Variants in TRAF3 observed in about 807,000 individuals in gnomAD.
The protein encoded by TRAF3 is TNF receptor-associated factor 3.
Under a neutral mutation model 62.3 loss-of-function variants are expected in TRAF3, and 13 were observed. The observed-to-expected ratio is 0.21, with a 90% CI of 0.14 to 0.33. The LOEUF is 0.33. TRAF3 is among the 10% of genes least tolerant of loss of function. The probability of loss-of-function intolerance (pLI) is 1.00; values close to 1 mark genes in which losing one functional copy is unlikely to be tolerated. For missense variants in TRAF3, 440 were observed against 741.8 expected (o/e 0.59, Z 4.73); for synonymous variants, 269 against 283.4 (o/e 0.95, Z 0.51).
At position 102,886,285 on chromosome 14, in the gene TRAF3, C is replaced by A; in HGVS notation, c.651+16C>A. On this transcript the variant is annotated intron_variant, in intron 7 of 11. Transcript: ENST00000392745. ...GAGGAGCGAGGTAGGGGCGGCCGGG[C>A]CCGGCCGGGAGTCTGTGGAGTCCTC... 1 of 1,601,040 alleles carries A rather than the reference C, an allele frequency of 6.2e-7. No homozygotes were observed. The highest frequency in any genetic ancestry group is 1.7e-5 in the Admixed American group (1 of 59,178).
intron 1 of TRAF3, among the ~76,000 whole-genome samples, chr14:102,806,905 C>T (rs1335976668): frequency 6.6e-6 from 1 of 152,166 alleles, no homozygotes; most frequent in African/African-American, 2.4e-5. Context: ...TGACACCTAA[C>T]CTGTCTCTAG....
chr14:102,778,919 A>G (rs1190240163), intron 1 of TRAF3, among the ~76,000 whole-genome samples: 1 of 152,250 alleles, frequency 6.6e-6, no homozygotes, highest in African/African-American at 2.4e-5. Context: ...GATGTCTGGC[A>G]AAATAGTGTA....
At chr14:102,788,470 T>C (rs184659110) in intron 1 of TRAF3, among the ~76,000 whole-genome samples, 1 of 152,126 alleles carries the variant, frequency 6.6e-6, no homozygotes, top group East Asian at 1.9e-4. Flanking sequence ...GAGACCAGCC[T>C]GGGCAACAGA....
intron 1 of TRAF3, among the ~76,000 whole-genome samples, chr14:102,828,995 C>G (rs1054556178): frequency 1.3e-5 from 2 of 152,146 alleles, no homozygotes; most frequent in African/African-American, 4.8e-5. Context: ...CTTATTTTGC[C>G]TTTAGAAGAG....
chr14:102,843,045 TA>T (rs888586912), intron 2 of TRAF3, among the ~76,000 whole-genome samples: 1 of 151,170 alleles, frequency 6.6e-6, no homozygotes, highest in East Asian at 2.0e-4. Flanking sequence ...TCGTCTCTAC[TA>T]AAAAAAATTA....
intron 2 of TRAF3, among the ~76,000 whole-genome samples, chr14:102,845,347 C>T (rs778635328): frequency 5.3e-5 from 8 of 151,116 alleles, no homozygotes; most frequent in Non-Finnish European, 7.4e-5. Context: ...GGATTACAGG[C>T]GCACGCCACT....
rs1890722278 is a variant in TRAF3 at position 102,908,888 on chromosome 14, G to A, written c.*3104G>A. 6.6e-6 allele frequency: 1 copy of A among 152,318 alleles called. No individual in the cohort carries two copies. The highest frequency in any genetic ancestry group is 2.4e-5 in the African/African-American group (1 of 41,476). The allele number at this position is 152,318 out of a possible 1,614,324, so 9.4% of individuals were successfully genotyped here. ...TGGCTGGCCTGGGCCCGGCTCACGT[G>A]AAGGGCACTGGCTCTTGTGACCACA... is the stretch of plus-strand genomic sequence containing the variant. On this transcript the variant is annotated 3_prime_UTR_variant, in exon 12 of 12. Transcript: ENST00000392745.
In TRAF3 at chr14:102,826,224, G is replaced by T. The variant is rs1390030027; in HGVS notation, c.-156-4110G>T. Among the ~76,000 whole-genome samples the T allele has an allele frequency of 6.6e-6, 1 of 152,044 alleles. No individual in the cohort carries two copies. Among genetic ancestry groups the T allele is most frequent in the Non-Finnish European group, 1.5e-5 (1 of 68,010 alleles). On this transcript the variant is annotated intron_variant, in intron 1 of 11. Coordinates refer to ENST00000392745, the MANE Select transcript of TRAF3 (RefSeq NM_145725.3). This position sits in a 1 kb window ranked among gnomAD's most constrained non-coding sequence, Gnocchi z 4.6. Reference sequence around the variant, plus strand: ...CCTGGGTGTAAATCCTGGCTCTTCTGCTTGAACTGACTGTGCCTCAGCATC... The same window carrying T: ...CCTGGGTGTAAATCCTGGCTCTTCTTCTTGAACTGACTGTGCCTCAGCATC...
intron 11 of TRAF3, 141 bp from the exon 12 acceptor site, chr14:102,905,072 A>T: frequency 1.2e-6 from 1 of 848,876 alleles, no homozygotes; most frequent in Non-Finnish European, 1.9e-6. Flanking sequence ...AGATGGTGCC[A>T]CTGCACTCCA....
intron 6 of TRAF3, among the ~76,000 whole-genome samples, chr14:102,882,135 G>A (rs1889105870): frequency 6.6e-6 from 1 of 152,168 alleles, no homozygotes. Flanking sequence ...TAGCTTAGCC[G>A]GAGTGTCAAG....
chr14:102,811,451 G>GT, intron 1 of TRAF3, among the ~76,000 whole-genome samples: 1 of 151,278 alleles, frequency 6.6e-6, no homozygotes, highest in East Asian at 2.0e-4. Context: ...AGCCTCCTGA[G>GT]TAGCTGGGAC....
intron 2 of TRAF3, 69 bp from the exon 3 acceptor site, chr14:102,870,116 T>C (rs984029858): frequency 4.3e-5 from 69 of 1,610,070 alleles, no homozygotes; most frequent in Non-Finnish European, 5.5e-5. Context: ...GCACTTTTGC[T>C]TTCCCAAAGC....
intron 10 of TRAF3, among the ~76,000 whole-genome samples, chr14:102,901,791 A>C (rs1468855437): frequency 6.6e-6 from 1 of 152,258 alleles, no homozygotes; most frequent in Non-Finnish European, 1.5e-5. Flanking sequence ...GGTTAATAAC[A>C]GCCAGCAAAG....
At position 102,907,412 on chromosome 14, in the gene TRAF3, A is replaced by G. The variant is rs1890636402; in HGVS notation, c.*1628A>G. On this transcript the variant is annotated 3_prime_UTR_variant, in exon 12 of 12. Transcript: ENST00000392745. Reference sequence around the variant, plus strand: ...ACTGTTTACTGTCTCTCAGTGTCCAACTGTGATTAGAAGCCTGGAGCCTGC... The same window carrying G: ...ACTGTTTACTGTCTCTCAGTGTCCAGCTGTGATTAGAAGCCTGGAGCCTGC... The G allele has an allele frequency of 6.6e-6, 1 of 152,416 alleles. No homozygotes were observed. The allele number at this position is 152,416 out of a possible 1,614,324, so 9.4% of individuals were successfully genotyped here. A position where few individuals can be genotyped will look rare whatever the true frequency, so the allele number is the denominator to read the frequency against.
At chr14:102,793,733 C>T (rs1205251609) in intron 1 of TRAF3, among the ~76,000 whole-genome samples, 1 of 152,196 alleles carries the variant, frequency 6.6e-6, no homozygotes, top group Non-Finnish European at 1.5e-5. Flanking sequence ...GAACTCTATT[C>T]CTGATGCCAG....
chr14:102,803,271 T>C (rs1898554675), intron 1 of TRAF3, among the ~76,000 whole-genome samples: 1 of 152,082 alleles, frequency 6.6e-6, no homozygotes, highest in Non-Finnish European at 1.5e-5. Context: ...AGAGTTACAG[T>C]CTTGGAATGT....
chr14:102,835,429 A>G (rs1388664403), intron 2 of TRAF3, among the ~76,000 whole-genome samples: 1 of 152,222 alleles, frequency 6.6e-6, no homozygotes, highest in Non-Finnish European at 1.5e-5. Flanking sequence ...AAATTGTTCT[A>G]CCATAAAGAT....
chr14:102,815,094 C>A (rs1467284298), intron 1 of TRAF3, among the ~76,000 whole-genome samples: 3 of 152,004 alleles, frequency 2.0e-5, no homozygotes, highest in African/African-American at 7.2e-5. Context: ...ACCATTATGC[C>A]TGGTTAATTT....
At position 102,830,387 on chromosome 14, in the gene TRAF3, A is replaced by G. The variant is rs537033215; in HGVS notation, c.-103A>G. 1.3e-5 allele frequency: 2 copies of G among 152,414 alleles called. No homozygotes were observed. The highest frequency in any genetic ancestry group is 4.8e-5 in the African/African-American group (2 of 41,556). 9.4% of individuals were successfully genotyped at this position (152,414 alleles called of 1,614,324 possible). ...TGCCACTTGGTTAAGGTCCCAGAGC[A>G]GGTCAGAATCAGACCTAGGATCAGA... On this transcript the variant is annotated 5_prime_UTR_variant, in exon 2 of 12. Transcript: ENST00000392745.
Sources: gnomAD v4.1 joint callset for allele counts (sites outside exome capture counted in the v4.1 genomes callset) on GRCh38, gnomAD v4.1.1 for gene constraint, Gnocchi (gnomAD v3.1) non-coding constraint, MANE v1.5 for transcripts, NCBI Gene and HGNC (gene_info 2026-07-23, HGNC 2026-07-21) for gene names.